CD53: variants seen among roughly 807,000 people sequenced by gnomAD.
CD53 encodes leukocyte surface antigen CD53.
In CD53, 20 loss-of-function variants were observed where a neutral mutation model predicts 27.3. The observed-to-expected ratio is 0.73, with a 90% CI of 0.52 to 1.07. The LOEUF (loss-of-function observed/expected upper bound fraction) is 1.07. CD53 is among the 50% of genes least tolerant of loss of function. The pLI, the probability that CD53 is intolerant of heterozygous loss-of-function variation, is 0.00. For synonymous variants in CD53, 106 were observed against 105.3 expected, an observed-to-expected ratio of 1.01 and a Z score of -0.04; for missense variants, 216 against 264.0, an observed-to-expected ratio of 0.82 and a Z score of 1.26.
At chr1:110,891,317 T>C in intron 1 of CD53, 75 bp from the exon 2 acceptor site, 1 of 1,028,264 alleles carries the variant, frequency 9.7e-7, no homozygotes, top group Middle Eastern at 2.6e-4. Context: ...TAGAGATCCC[T>C]GAACATTTGT....
chr1:110,896,558 T>A, intron 5 of CD53, 95 bp from the exon 6 acceptor site: 1 of 1,126,788 alleles, frequency 8.9e-7, no homozygotes, highest in Non-Finnish European at 1.3e-6. Flanking sequence ...TGCTATAGAG[T>A]CAGATCTGAA....
In CD53 at chr1:110,899,699, T is replaced by G. The variant is rs1447783567; in HGVS notation, c.*504T>G. On this transcript the variant is annotated 3_prime_UTR_variant, in exon 8 of 8. Transcript: ENST00000271324. ...GGCTACAGGAATTACACAGTTCTCT[T>G]TCTCCAAAGGGCAAGATCTCATTTC... 1 of 155,808 alleles carries G rather than the reference T, an allele frequency of 6.4e-6. No individual in the cohort carries two copies. The highest frequency in any genetic ancestry group is 1.9e-4 in the East Asian group (1 of 5,240). The allele number at this position is 155,808 out of a possible 1,614,324, so 9.7% of individuals were successfully genotyped here. A position where few individuals can be genotyped will look rare whatever the true frequency, so the allele number is the denominator to read the frequency against.
chr1:110,877,228 T>C (rs1345280108), intron 1 of CD53, among the ~76,000 whole-genome samples: 5 of 152,220 alleles, frequency 3.3e-5, no homozygotes, highest in Non-Finnish European at 7.3e-5. Context: ...AGAATGTTTC[T>C]CCATTTGGGT....
In CD53 at chr1:110,891,481, T is replaced by A; in HGVS notation, c.63+10T>A. 2 of 1,606,828 alleles carry A rather than the reference T, an allele frequency of 1.2e-6. No homozygotes were observed. The highest frequency in any genetic ancestry group is 1.7e-4 in the Middle Eastern group (1 of 6,050). ...CAACTTGCTCTTTTGGGTAAGTGTA[T>A]CTCTTCTGAGCACGGTTTAGCTCAC... On this transcript the variant is annotated intron_variant, in intron 2 of 7. Coordinates refer to ENST00000271324, the MANE Select transcript of CD53 (RefSeq NM_000560.4).
intron 3 of CD53, among the ~76,000 whole-genome samples, chr1:110,894,048 T>A (rs1162875404): frequency 6.6e-6 from 1 of 152,196 alleles, no homozygotes; most frequent in Non-Finnish European, 1.5e-5. Context: ...TTGCTTAACT[T>A]ATTCAACAGG....
At chr1:110,891,876 T>C (rs1656868900) in intron 2 of CD53, among the ~76,000 whole-genome samples, 1 of 152,224 alleles carries the variant, frequency 6.6e-6, no homozygotes, top group Admixed American at 6.5e-5. Flanking sequence ...CTGTATAAAA[T>C]TCAGCAATTG....
At chr1:110,891,788 T>C (rs554833450) in intron 2 of CD53, among the ~76,000 whole-genome samples, 1 of 152,324 alleles carries the variant, frequency 6.6e-6, no homozygotes, top group East Asian at 1.9e-4. Context: ...AGTGCCTCTG[T>C]TTTTCTTGTC....
intron 5 of CD53, 101 bp from the exon 6 acceptor site, chr1:110,896,552 A>G (rs1041622456): frequency 2.8e-6 from 3 of 1,054,778 alleles, no homozygotes; most frequent in Non-Finnish European, 1.4e-6. Context: ...GACTTCTGCT[A>G]TAGAGTCAGA....
At chr1:110,880,598 T>A (rs556160246) in intron 1 of CD53, among the ~76,000 whole-genome samples, 1 of 152,080 alleles carries the variant, frequency 6.6e-6, no homozygotes, top group South Asian at 2.1e-4. Context: ...GATGGGTGAG[T>A]TAGTTATTTT....
chr1:110,873,933 G>T lies in CD53; in HGVS notation c.-18+685G>T, dbSNP rs147301526. Among the ~76,000 whole-genome samples, 31 of 152,280 alleles carry T rather than the reference G, an allele frequency of 2.0e-4. No homozygotes were observed. The East Asian group carries it at 5.8e-3, about 28-fold the overall frequency. On this transcript the variant is annotated intron_variant, in intron 1 of 7. Coordinates refer to ENST00000271324, the MANE Select transcript of CD53 (RefSeq NM_000560.4). ...GTACAAAACATGACCACTGATAAATGTCACATGAAATGCACGTATAAAATG... is the reference window on the plus strand; with the variant it reads ...GTACAAAACATGACCACTGATAAATTTCACATGAAATGCACGTATAAAATG...
In CD53 at chr1:110,892,433, C is replaced by T. The variant is rs200779902; in HGVS notation, c.152C>T (p.Thr51Met). 20 of 1,613,860 alleles carry T rather than the reference C, an allele frequency of 1.2e-5. No individual in the cohort carries two copies. Among genetic ancestry groups the T allele is most frequent in the Non-Finnish European group, 1.5e-5 (18 of 1,179,868 alleles). ...GVLFHNLPSLTLGNVFVIVGS... is the reference protein window; with the variant it reads ...GVLFHNLPSLMLGNVFVIVGS... Reference sequence around the variant, plus strand: ...CTCTTCCATAACCTCCCCTCCCTCACGCTGGGCAATGTGTTTGTCATCGTG... The same window carrying T: ...CTCTTCCATAACCTCCCCTCCCTCATGCTGGGCAATGTGTTTGTCATCGTG... The change falls in exon 3 of 8, where the codon ACG becomes ATG. Residue 51 changes from threonine to methionine, a missense_variant. Transcript: ENST00000271324.
intron 1 of CD53, among the ~76,000 whole-genome samples, chr1:110,879,936 T>C (rs1656288395): frequency 6.6e-6 from 1 of 152,006 alleles, no homozygotes; most frequent in Non-Finnish European, 1.5e-5. Flanking sequence ...CAAGAGTAGA[T>C]TACATGGTGC....
intron 1 of CD53, among the ~76,000 whole-genome samples, chr1:110,882,054 C>T (rs560034365): frequency 6.6e-6 from 1 of 152,098 alleles, no homozygotes; most frequent in African/African-American, 2.4e-5. Flanking sequence ...ATATTTTGTC[C>T]CTTCTGTGCC....
At chr1:110,875,582 C>T (rs573590260) in intron 1 of CD53, among the ~76,000 whole-genome samples, 1 of 152,294 alleles carries the variant, frequency 6.6e-6, no homozygotes, top group South Asian at 2.1e-4. Context: ...CAGCCTAGGG[C>T]ACTTCTTGTA....
rs780014814 is a variant in CD53, at chr1:110,891,378, T to C, written c.-17-14T>C. The C allele has an allele frequency of 1.3e-6, 2 of 1,579,472 alleles. No homozygotes were observed. The highest frequency in any genetic ancestry group is 1.1e-5 in the South Asian group (1 of 90,420). On this transcript the variant is annotated splice_polypyrimidine_tract_variant and intron_variant, in intron 1 of 7. Transcript: ENST00000271324. ...AGAGTGAGGTAACTTACTTTCTTCTTCCTTATTCCTTAGGGCAAGAATATC... is the reference window on the plus strand; with the variant it reads ...AGAGTGAGGTAACTTACTTTCTTCTCCCTTATTCCTTAGGGCAAGAATATC...
At chr1:110,888,129 C>T (rs1016207336) in intron 1 of CD53, among the ~76,000 whole-genome samples, 1 of 152,194 alleles carries the variant, frequency 6.6e-6, no homozygotes, top group African/African-American at 2.4e-5. Flanking sequence ...CAAATTCTCT[C>T]CCTGAGCCCT....
rs1402260656 is a variant in CD53, at chr1:110,899,657, C to CT, written c.*465dup. 6.2e-6 allele frequency: 1 copy of CT among 161,870 alleles called. No homozygotes were observed. The highest frequency in any genetic ancestry group is 1.3e-5 in the Non-Finnish European group (1 of 74,092). 10.0% of individuals were successfully genotyped at this position (161,870 alleles called of 1,614,324 possible). ...ACCATTGTCACAACCCTCTGTTTCT[C>CT]TTTGACTAAGTGCCCTGGCTACAGG... is the stretch of plus-strand genomic sequence containing the variant. On this transcript the variant is annotated 3_prime_UTR_variant, in exon 8 of 8. Transcript: ENST00000271324.
At chr1:110,880,725 A>C (rs2101043087) in intron 1 of CD53, among the ~76,000 whole-genome samples, 1 of 152,348 alleles carries the variant, frequency 6.6e-6, no homozygotes, top group South Asian at 2.1e-4. Flanking sequence ...TGAGGCTTTG[A>C]GAATTCAAAG....
At position 110,896,699 on chromosome 1, in the gene CD53, C is replaced by T; in HGVS notation, c.470C>T (p.Pro157Leu). 1 of 1,613,440 alleles carries T rather than the reference C, an allele frequency of 6.2e-7. No individual in the cohort carries two copies. The highest frequency in any genetic ancestry group is 8.5e-7 in the Non-Finnish European group (1 of 1,179,734). Residue 157 changes from proline (P) to leucine (L), a missense_variant, in exon 6 of 8, where the codon CCA becomes CTA. Coordinates refer to ENST00000271324, the MANE Select transcript of CD53 (RefSeq NM_000560.4). Reference sequence around the variant, plus strand: ...GGCACGAGTGATTGGACCAGTGGCCCACCAGCATCTTGCCCCTCAGATCGA... The same window carrying T: ...GGCACGAGTGATTGGACCAGTGGCCTACCAGCATCTTGCCCCTCAGATCGA... ...INGTSDWTSG[P>L]PASCPSDRKV...
Sources: gnomAD v4.1 joint callset for allele counts (sites outside exome capture counted in the v4.1 genomes callset) on GRCh38, gnomAD v4.1.1 for gene constraint, MANE v1.5 for transcripts, NCBI Gene and HGNC (gene_info 2026-07-23, HGNC 2026-07-21) for gene names.